FDCSP: variants seen among roughly 807,000 people sequenced by gnomAD.
The protein encoded by FDCSP is follicular dendritic cell secreted protein.
Under a neutral mutation model 8.9 loss-of-function variants are expected in FDCSP, and 8 were observed. The ratio of observed to expected loss-of-function variants is 0.90; its 90% CI spans 0.53 to 1.63. The LOEUF (loss-of-function observed/expected upper bound fraction) is 1.63, where lower values mean the gene tolerates loss of function less well. Among genes scored for constraint, FDCSP ranks in the 40% most tolerant of loss-of-function variants. FDCSP has a pLI of 0.00. For synonymous variants in FDCSP, 34 were observed against 34.5 expected (o/e 0.98, Z 0.06); for missense variants, 101 against 103.6 (o/e 0.98, Z 0.11).
chr4:70,233,858 A>G (rs1414929312), intron 3 of FDCSP, among the ~76,000 whole-genome samples, 162 bp from the exon 4 acceptor site: 4 of 151,670 alleles, frequency 2.6e-5, no homozygotes. Context: ...GATGCAAATT[A>G]ATAAACTCCC....
chr4:70,234,021 T>A lies in FDCSP; in HGVS notation c.92T>A (p.Ile31Asn), dbSNP rs1421345450. The A allele has an allele frequency of 6.2e-7, 1 of 1,604,172 alleles. No homozygotes were observed. The highest frequency in any genetic ancestry group is 2.2e-5 in the East Asian group (1 of 44,654). Residue 31 changes from isoleucine (I) to asparagine (N), a missense_variant and splice_region_variant, in exon 4 of 5, where the codon ATC (isoleucine) becomes AAC (asparagine). Coordinates refer to ENST00000317987, the MANE Select transcript of FDCSP (RefSeq NM_152997.4). The stretch of plus-strand genomic sequence containing the variant: ...CCTTTAACTTCTTTCTTTCAACAGA[T>A]CAGTGACAGCGATGAATTAGCTTCA... ...SQDQEREKRSISDSDELASGF... is the reference protein window; with the variant it reads ...SQDQEREKRSNSDSDELASGF...
At chr4:70,232,213 C>T (rs1560492608) in intron 2 of FDCSP, among the ~76,000 whole-genome samples, 1 of 151,546 alleles carries the variant, frequency 6.6e-6, no homozygotes, top group African/African-American at 2.4e-5. Context: ...TACAATAACT[C>T]ACTTACTAAC....
intron 3 of FDCSP, among the ~76,000 whole-genome samples, chr4:70,233,606 T>C (rs1159563284): frequency 1.3e-5 from 2 of 151,618 alleles, no homozygotes; most frequent in African/African-American, 4.8e-5. Flanking sequence ...CAAAAATTAA[T>C]AGAGACACAA....
chr4:70,234,795 T>C (rs1009406839), intron 4 of FDCSP, among the ~76,000 whole-genome samples: 4 of 150,922 alleles, frequency 2.7e-5, no homozygotes, highest in Non-Finnish European at 5.9e-5. Flanking sequence ...ATCTATACTA[T>C]AGACTATAGA....
Position 70,234,043 on chromosome 4 carries a change from T to C in FDCSP, c.114T>C (p.Ala38=), listed in dbSNP as rs1730132020. The C allele has an allele frequency of 6.2e-7, 1 of 1,606,518 alleles. No homozygotes were observed. Among genetic ancestry groups the C allele is most frequent in the Non-Finnish European group, 8.5e-7 (1 of 1,176,182 alleles). ...KRSISDSDEL[A]SGFFVFPYPY... is the part of the protein sequence containing the mutation. ...AGATCAGTGACAGCGATGAATTAGC[T>C]TCAGGGTTTTTTGTGTTCCCTTACC... The change falls in exon 4 of 5, where the codon GCT becomes GCC. Residue 38 remains alanine, a synonymous_variant. Transcript: ENST00000317987.
intron 1 of FDCSP, among the ~76,000 whole-genome samples, chr4:70,226,645 C>T (rs1391675988): frequency 6.6e-6 from 1 of 151,888 alleles, no homozygotes; most frequent in Admixed American, 6.6e-5. Context: ...CATTCCATAA[C>T]ATTTTATGTT....
At chr4:70,228,575 C>G (rs1450223012) in intron 1 of FDCSP, among the ~76,000 whole-genome samples, 1 of 151,738 alleles carries the variant, frequency 6.6e-6, no homozygotes, top group Non-Finnish European at 1.5e-5. Context: ...TTACTTTGCC[C>G]AGATCCATCA....
chr4:70,231,989 A>T lies in FDCSP; in HGVS notation c.57+738A>T, dbSNP rs115668831. ...AAAAGAAAAAGCATATAGAATAAGG[A>T]TACAAAGAGTGAAAGTATTTTTGTA... On this transcript the variant is annotated intron_variant, in intron 2 of 4. Transcript: ENST00000317987. 7.4e-3 allele frequency among the ~76,000 whole-genome samples: 1,117 copies of T among 151,936 alleles called. 13 individuals are homozygous for T. Among genetic ancestry groups the T allele is most frequent in the African/African-American group, 0.025 (1,053 of 41,518 alleles).
At chr4:70,232,631 G>C (rs1221224842) in intron 2 of FDCSP, among the ~76,000 whole-genome samples, 1 of 151,356 alleles carries the variant, frequency 6.6e-6, no homozygotes, top group Non-Finnish European at 1.5e-5. Flanking sequence ...GAATCTTAAG[G>C]GTTTTTTTCT....
rs952363694 is a variant in FDCSP at position 70,233,152 on chromosome 4, T to C, written c.90+126T>C. 1.2e-5 allele frequency: 9 copies of C among 761,580 alleles called. No individual in the cohort carries two copies. The African/African-American group carries it at 1.5e-4, about 12-fold the overall frequency. The allele number at this position is 761,580 out of a possible 1,614,324, so 47.2% of individuals were successfully genotyped here. A position where few individuals can be genotyped will look rare whatever the true frequency, so the allele number is the denominator to read the frequency against. The stretch of plus-strand genomic sequence containing the variant: ...GAGATTCATAAAGAGCTTTTGGTAT[T>C]AGCACTCAACAGAGGTTTAGACTTC... On this transcript the variant is annotated intron_variant, in intron 3 of 4. Transcript: ENST00000317987.
chr4:70,227,613 C>T (rs1342743412), intron 1 of FDCSP, among the ~76,000 whole-genome samples: 3 of 150,982 alleles, frequency 2.0e-5, no homozygotes, highest in African/African-American at 7.3e-5. Context: ...TTACTTATAA[C>T]AATGTAACAG....
chr4:70,228,659 T>C (rs1730026860), intron 1 of FDCSP, among the ~76,000 whole-genome samples: 1 of 151,880 alleles, frequency 6.6e-6, no homozygotes, highest in South Asian at 2.1e-4. Context: ...AAAGTCAAAT[T>C]TACTCTTTGA....
intron 1 of FDCSP, among the ~76,000 whole-genome samples, chr4:70,229,735 G>T (rs116193747): frequency 0.023 from 3,549 of 151,702 alleles, 76 homozygotes; most frequent in Non-Finnish European, 0.035. Flanking sequence ...TATCAAATAA[G>T]TTTGCCACTT....
intron 3 of FDCSP, 105 bp downstream of exon 3, chr4:70,233,131 T>C: frequency 1.0e-6 from 1 of 993,214 alleles, no homozygotes; most frequent in Non-Finnish European, 1.5e-6. Flanking sequence ...TGTGGAGAGA[T>C]TCATAAAGAG....
In FDCSP at chr4:70,227,437, G is replaced by A. The variant is rs942984889; in HGVS notation, c.-1+1255G>A. The stretch of plus-strand genomic sequence containing the variant: ...AACTTTGCTACATTTTTTACACTGC[G>A]TTCTTTTGTCTCATAGATGTATAGG... On this transcript the variant is annotated intron_variant, in intron 1 of 4. Coordinates refer to ENST00000317987, the MANE Select transcript of FDCSP (RefSeq NM_152997.4). 5.7e-4 allele frequency among the ~76,000 whole-genome samples: 87 copies of A among 151,568 alleles called. 1 individual carries two copies. Among genetic ancestry groups the A allele is most frequent in the Admixed American group, 3.7e-3 (56 of 15,146 alleles).
chr4:70,227,690 T>A (rs1462842496), intron 1 of FDCSP, among the ~76,000 whole-genome samples: 2 of 151,694 alleles, frequency 1.3e-5, no homozygotes, highest in Non-Finnish European at 2.9e-5. Context: ...TCAGAGATAC[T>A]GCAGGTTCAG....
In FDCSP at chr4:70,234,161, A is replaced by G. The variant is rs778830189; in HGVS notation, c.232A>G (p.Thr78Ala). The G allele has an allele frequency of 1.9e-6, 3 of 1,610,098 alleles. No homozygotes were observed. The highest frequency in any genetic ancestry group is 2.5e-6 in the Non-Finnish European group (3 of 1,177,724). Residue 78 changes from threonine (T) to alanine (A), a missense_variant, in exon 4 of 5, where the codon ACA (threonine) becomes GCA (alanine). Coordinates refer to ENST00000317987, the MANE Select transcript of FDCSP (RefSeq NM_152997.4). Reference sequence around the variant, plus strand: ...TATTCCAATACCTGAATCTGCCCCTACAACTCCCCTTCCTAGCGAAAAGTA... The same window carrying G: ...TATTCCAATACCTGAATCTGCCCCTGCAACTCCCCTTCCTAGCGAAAAGTA... Reference protein sequence around the residue: ...FPIPIPESAPTTPLPSEK With the variant: ...FPIPIPESAPATPLPSEK
intron 4 of FDCSP, 98 bp downstream of exon 4, chr4:70,234,313 C>T (rs1730138101): frequency 1.0e-6 from 1 of 973,874 alleles, no homozygotes; most frequent in Non-Finnish European, 1.5e-6. Flanking sequence ...CCCTAGTTGG[C>T]CCCTTTCAGT....
intron 1 of FDCSP, among the ~76,000 whole-genome samples, chr4:70,228,746 T>A (rs971149444): frequency 1.3e-5 from 2 of 151,728 alleles, no homozygotes; most frequent in African/African-American, 4.8e-5. Context: ...TGCTTCAGAG[T>A]TCTTGGGGGC....
Sources: gnomAD v4.1 joint callset for allele counts (sites outside exome capture counted in the v4.1 genomes callset) on GRCh38, gnomAD v4.1.1 for gene constraint, MANE v1.5 for transcripts, NCBI Gene and HGNC (gene_info 2026-07-23, HGNC 2026-07-21) for gene names.